The following RBM33 variants were observed in gnomAD, a reference collection of about 807,000 sequenced individuals.
RBM33 encodes RNA binding motif protein 33.
Under a neutral mutation model 132.6 loss-of-function variants are expected in RBM33, and 28 were observed. The observed-to-expected ratio is 0.21, with a 90% CI of 0.16 to 0.29. The LOEUF is 0.29. Among genes scored for constraint, RBM33 ranks in the 10% least tolerant of loss-of-function variants. The pLI, the probability that RBM33 is intolerant of heterozygous loss-of-function variation, is 1.00. For synonymous variants in RBM33, 634 were observed against 593.0 expected, an observed-to-expected ratio of 1.07 and a Z score of -1.01; for missense variants, 1,291 against 1,518.5, an observed-to-expected ratio of 0.85 and a Z score of 2.49.
intron 8 of RBM33, among the ~76,000 whole-genome samples, chr7:155,714,835 A>G (rs1162981678): frequency 6.6e-6 from 1 of 152,024 alleles, no homozygotes; most frequent in Non-Finnish European, 1.5e-5. Flanking sequence ...AGATCCTGGG[A>G]CCCTCCCATA....
At chr7:155,725,203 GTT>G (rs59050644) in intron 9 of RBM33, among the ~76,000 whole-genome samples, 216 of 105,182 alleles carry the variant, frequency 2.1e-3, no homozygotes, top group Middle Eastern at 5.2e-3. Context: ...TTTTTTAGTT[GTT>G]TTTTTTTTTT....
In RBM33 at chr7:155,780,779, A is replaced by ACTACT. The variant is rs1563191093; in HGVS notation, c.*5739_*5740insTACTC. On this transcript the variant is annotated 3_prime_UTR_variant, in exon 18 of 18. Transcript: ENST00000401878. ...TGCTGACGATTTTCACACTGTGTTT[A>ACTACT]CCACTCCATCACCTCTCAACCTTTG... 2.9e-5 allele frequency: 4 copies of ACTACT among 138,870 alleles called. No individual in the cohort carries two copies. Among genetic ancestry groups the ACTACT allele is most frequent in the Non-Finnish European group, 6.3e-5 (4 of 63,084 alleles). The allele number at this position is 138,870 out of a possible 1,614,324, so 8.6% of individuals were successfully genotyped here. A position where few individuals can be genotyped will look rare whatever the true frequency, so the allele number is the denominator to read the frequency against.
At chr7:155,752,319 GT>G (rs374674287) in intron 14 of RBM33, among the ~76,000 whole-genome samples, 1 of 152,122 alleles carries the variant, frequency 6.6e-6, no homozygotes, top group African/African-American at 2.4e-5. Flanking sequence ...TTCTTCTACA[GT>G]GAGTTGCAAA....
intron 16 of RBM33, 58 bp downstream of exon 16, chr7:155,766,713 T>C: frequency 6.6e-7 from 1 of 1,508,866 alleles, no homozygotes; most frequent in Non-Finnish European, 9.0e-7. Context: ...GACAAAATCA[T>C]TTCTTGATTT....
intron 9 of RBM33, among the ~76,000 whole-genome samples, chr7:155,723,736 A>G (rs910563635): frequency 2.0e-5 from 3 of 152,062 alleles, no homozygotes; most frequent in Non-Finnish European, 2.9e-5. Context: ...GGCCAGGGGT[A>G]CTCCTTGAAA....
At chr7:155,684,321 A>G (rs1799413278) in intron 5 of RBM33, among the ~76,000 whole-genome samples, 1 of 152,162 alleles carries the variant, frequency 6.6e-6, no homozygotes, top group Non-Finnish European at 1.5e-5. Flanking sequence ...TGTTAGCAAT[A>G]CCAGAAGCCC....
Position 155,711,382 on chromosome 7 carries a change from C to T in RBM33, c.1128C>T (p.Pro376=), listed in dbSNP as rs779411404. 1.9e-5 allele frequency: 30 copies of T among 1,581,630 alleles called. No homozygotes were observed. The South Asian group carries it at 2.2e-4, about 11-fold the overall frequency. ...ETPRMMMTPP[P]VTPQQPKNIH... ...CAAGGATGATGATGACCCCGCCACC[C>T]GTGACTCCACAGCAGCCCAAGAACA... Residue 376 remains proline, a synonymous_variant, in exon 8 of 18, where the codon CCC becomes CCT. Coordinates refer to ENST00000401878, the MANE Select transcript of RBM33 (RefSeq NM_053043.3).
intron 5 of RBM33, among the ~76,000 whole-genome samples, chr7:155,681,264 C>T (rs999230258): frequency 1.2e-4 from 18 of 152,238 alleles, no homozygotes; most frequent in Non-Finnish European, 2.2e-4. Context: ...CCTTCTAAGG[C>T]GAAAAGATTA....
chr7:155,714,343 A>G (rs1800397789), intron 8 of RBM33, among the ~76,000 whole-genome samples: 1 of 152,196 alleles, frequency 6.6e-6, no homozygotes, highest in African/African-American at 2.4e-5. Flanking sequence ...GATGGTGAAA[A>G]GGAGATCATT....
At chr7:155,709,081 C>T (rs1012133676) in intron 7 of RBM33, among the ~76,000 whole-genome samples, 1 of 152,042 alleles carries the variant, frequency 6.6e-6, no homozygotes, top group South Asian at 2.1e-4. Context: ...TTTGGGCTTA[C>T]GAGATTTTGG....
At position 155,738,385 on chromosome 7, in the gene RBM33, C is replaced by A; in HGVS notation, c.1719C>A (p.His573Gln). 1 of 1,613,360 alleles carries A rather than the reference C, an allele frequency of 6.2e-7. No homozygotes were observed. Among genetic ancestry groups the A allele is most frequent in the Non-Finnish European group, 8.5e-7 (1 of 1,179,374 alleles). Reference protein sequence around the residue: ...PGPGQPFLPTHTQPNLQGPLH... With the variant: ...PGPGQPFLPTQTQPNLQGPLH... Reference sequence around the variant, plus strand: ...CAGGACAGCCGTTTCTGCCCACACACACACAGCCCAACCTGCAGGTAATGC... The same window carrying A: ...CAGGACAGCCGTTTCTGCCCACACAAACACAGCCCAACCTGCAGGTAATGC... The change falls in exon 11 of 18, where the codon CAC becomes CAA. Residue 573 changes from histidine to glutamine, a missense_variant. Physicochemically the swap from His to Gln is conservative, Grantham distance 24. This residue lies in a region of RBM33 where 841 missense variants were observed against 912.0 expected (regional missense o/e 0.92). Transcript: ENST00000401878.
rs772679122 is a variant in RBM33 at position 155,739,846 on chromosome 7, C to A, written c.1869C>A (p.Pro623=). The part of the protein sequence containing the change: ...HQPPPQHQPP[P]QHPPQHPPQH... The stretch of plus-strand genomic sequence containing the variant: ...CCCCGCCCCAGCACCAGCCCCCACC[C>A]CAGCACCCACCACAGCACCCGCCGC... Residue 623 remains proline (P), a synonymous_variant, in exon 12 of 18, where the codon CCC becomes CCA. Coordinates refer to ENST00000401878, the MANE Select transcript of RBM33 (RefSeq NM_053043.3). The A allele has an allele frequency of 1.4e-5, 21 of 1,494,504 alleles. No homozygotes were observed. Among genetic ancestry groups the A allele is most frequent in the South Asian group, 2.4e-5 (2 of 81,828 alleles). The allele number at this position is 1,494,504 out of a possible 1,614,324, so 92.6% of individuals were successfully genotyped here. A position where few individuals can be genotyped will look rare whatever the true frequency, so the allele number is the denominator to read the frequency against.
At chr7:155,754,340 A>C (rs1801779226) in intron 14 of RBM33, among the ~76,000 whole-genome samples, 1 of 152,156 alleles carries the variant, frequency 6.6e-6, no homozygotes, top group African/African-American at 2.4e-5. Context: ...CCCAGGTAGG[A>C]TCCTGGTCAC....
At chr7:155,716,552 A>G (rs551208059) in intron 8 of RBM33, among the ~76,000 whole-genome samples, 43 of 152,192 alleles carry the variant, frequency 2.8e-4, no homozygotes, top group South Asian at 2.1e-3. Context: ...AGTGGTACCT[A>G]TGATCGAGTT....
chr7:155,769,131 G>T (rs1313070090), intron 16 of RBM33, among the ~76,000 whole-genome samples: 1 of 152,154 alleles, frequency 6.6e-6, no homozygotes, highest in Non-Finnish European at 1.5e-5. Context: ...CCAGAAGATG[G>T]TCTTCCAAAA....
At chr7:155,684,349 T>C (rs939535973) in intron 5 of RBM33, among the ~76,000 whole-genome samples, 1 of 152,210 alleles carries the variant, frequency 6.6e-6, no homozygotes, top group Non-Finnish European at 1.5e-5. Flanking sequence ...TTCTCTGCAG[T>C]TGCGGTCGTC....
chr7:155,727,813 T>C (rs1164718364), intron 9 of RBM33, among the ~76,000 whole-genome samples: 3 of 152,262 alleles, frequency 2.0e-5, no homozygotes, highest in Admixed American at 2.0e-4. Flanking sequence ...TAGCCCAGGC[T>C]GGAGTGCAGT....
chr7:155,699,030 A>G, intron 5 of RBM33, among the ~76,000 whole-genome samples: 1 of 152,154 alleles, frequency 6.6e-6, no homozygotes, highest in East Asian at 1.9e-4. Flanking sequence ...ACAATTTTCA[A>G]CTCATCTTTA....
rs1801173678 is a variant in RBM33, at chr7:155,737,660, G to A, written c.1391G>A (p.Gly464Glu). 1.3e-6 allele frequency: 2 copies of A among 1,584,994 alleles called. No homozygotes were observed. Among genetic ancestry groups the A allele is most frequent in the Non-Finnish European group, 1.7e-6 (2 of 1,169,372 alleles). Reference sequence around the variant, plus strand: ...CAGGATCGAGACCCTTTCTTCTTAGGAGGTACAGAAAGAGTGAGTGGTGTG... The same window carrying A: ...CAGGATCGAGACCCTTTCTTCTTAGAAGGTACAGAAAGAGTGAGTGGTGTG... ...PPQDRDPFFL[G>E]VSGEPRFPSH... is the part of the protein sequence containing the mutation. Residue 464 changes from glycine to glutamate, a missense_variant and splice_region_variant, in exon 10 of 18, where the codon GGA becomes GAA. Transcript: ENST00000401878.
Sources: gnomAD v4.1 joint callset for allele counts (sites outside exome capture counted in the v4.1 genomes callset) on GRCh38, gnomAD v4.1.1 for gene constraint, gnomAD v4.1.1 regional missense constraint, MANE v1.5 for transcripts, NCBI Gene and HGNC (gene_info 2026-07-23, HGNC 2026-07-21) for gene names.